The following RPTOR variants were observed in gnomAD, a reference collection of about 807,000 sequenced individuals.
The protein encoded by RPTOR is regulatory-associated protein of mTOR.
RPTOR carries 21 observed loss-of-function variants against 169.9 expected under a neutral mutation model. The ratio of observed to expected loss-of-function variants is 0.12; its 90% CI spans 0.09 to 0.18. RPTOR has a LOEUF of 0.18. RPTOR is among the 10% of genes least tolerant of loss of function. RPTOR has a pLI of 1.00. For missense variants in RPTOR, 1,133 were observed against 1,855.9 expected, an observed-to-expected ratio of 0.61 and a Z score of 7.16; for synonymous variants, 732 against 753.2, an observed-to-expected ratio of 0.97 and a Z score of 0.46.
intron 6 of RPTOR, among the ~76,000 whole-genome samples, chr17:80,786,824 G>A (rs556658190): frequency 2.0e-5 from 3 of 152,332 alleles, no homozygotes; most frequent in South Asian, 2.1e-4. Flanking sequence ...GCCTTTAGGC[G>A]AAACTTAATT....
At chr17:80,655,095 A>G (rs1009025447) in intron 3 of RPTOR, among the ~76,000 whole-genome samples, 1 of 152,200 alleles carries the variant, frequency 6.6e-6, no homozygotes, top group Non-Finnish European at 1.5e-5. Flanking sequence ...TTCTTTATCT[A>G]TTAATTTAGA....
chr17:80,915,045 AC>A (rs1288148350), intron 21 of RPTOR, among the ~76,000 whole-genome samples: 1 of 152,252 alleles, frequency 6.6e-6, no homozygotes. Flanking sequence ...CGATGGCATA[AC>A]CTGCCTTCAG....
chr17:80,745,014 G>C (rs889069882), intron 5 of RPTOR, among the ~76,000 whole-genome samples: 1 of 152,212 alleles, frequency 6.6e-6, no homozygotes, highest in South Asian at 2.1e-4. Context: ...CACAGTCCTG[G>C]CTACTAGACA....
chr17:80,669,436 G>A (rs2065805247), intron 3 of RPTOR, among the ~76,000 whole-genome samples: 1 of 152,224 alleles, frequency 6.6e-6, no homozygotes, highest in South Asian at 2.1e-4. Flanking sequence ...CCAGGCTGGA[G>A]TGCAGTGGCG....
At chr17:80,958,243 C>G (rs1197075080) in intron 29 of RPTOR, among the ~76,000 whole-genome samples, 1 of 149,900 alleles carries the variant, frequency 6.7e-6, no homozygotes, top group Admixed American at 6.6e-5. Context: ...GGCATGCACC[C>G]ACACGCCTGG....
At chr17:80,872,593 G>A (rs1417051736) in intron 13 of RPTOR, among the ~76,000 whole-genome samples, 1 of 152,232 alleles carries the variant, frequency 6.6e-6, no homozygotes, top group Non-Finnish European at 1.5e-5. Flanking sequence ...GGTGGGAGGT[G>A]TTTGGCTGGA....
In RPTOR at chr17:80,659,706, C is replaced by T. The variant is rs900113451; in HGVS notation, c.348+15896C>T. 2.0e-5 allele frequency among the ~76,000 whole-genome samples: 3 copies of T among 152,082 alleles called. No homozygotes were observed. The highest frequency in any genetic ancestry group is 1.3e-4 in the Admixed American group (2 of 15,266). ...ATTTTTAGTAGAGATGTGGTTTCAC[C>T]ATGTTGGCCAGGCTGGTCTCAACCT... On this transcript the variant is annotated intron_variant, in intron 3 of 33. Transcript: ENST00000306801. This position sits in a 1 kb window ranked among gnomAD's most constrained non-coding sequence, Gnocchi z 4.3.
chr17:80,863,253 G>A lies in RPTOR; in HGVS notation c.1509+5353G>A, dbSNP rs1279775713. Among the ~76,000 whole-genome samples, 5 of 152,268 alleles carry A rather than the reference G, an allele frequency of 3.3e-5. No individual in the cohort carries two copies. The East Asian group carries it at 5.8e-4, about 18-fold the overall frequency. The stretch of plus-strand genomic sequence containing the variant: ...CCAAGGGGGGCACATGAAGAAAGCC[G>A]TCTGTCCAGGATTCTCCCAGGACTC... On this transcript the variant is annotated intron_variant, in intron 13 of 33. Transcript: ENST00000306801.
chr17:80,668,436 G>T (rs1051947059), intron 3 of RPTOR, among the ~76,000 whole-genome samples: 1 of 152,172 alleles, frequency 6.6e-6, no homozygotes, highest in African/African-American at 2.4e-5. Flanking sequence ...GTGGCCGCAG[G>T]AGGTCTTCGC....
intron 3 of RPTOR, among the ~76,000 whole-genome samples, chr17:80,674,485 G>C (rs1056581297): frequency 6.6e-6 from 1 of 152,160 alleles, no homozygotes; most frequent in Non-Finnish European, 1.5e-5. Context: ...TGGAAGGGTG[G>C]GGTGGATACT....
In RPTOR at chr17:80,730,535, C is replaced by G. The variant is rs199988795; in HGVS notation, c.508-25C>G. Reference sequence around the variant, plus strand: ...CCATATTCCTGAGACGCACATGTAACGAGCGCACTTTGTGTGTTTTCTAGA... The same window carrying G: ...CCATATTCCTGAGACGCACATGTAAGGAGCGCACTTTGTGTGTTTTCTAGA... On this transcript the variant is annotated intron_variant, in intron 4 of 33. Transcript: ENST00000306801. The surrounding 1 kb of genome is among the most constrained non-coding windows in gnomAD (Gnocchi z 4.2). 1 of 1,608,016 alleles carries G rather than the reference C, an allele frequency of 6.2e-7. No individual in the cohort carries two copies. The highest frequency in any genetic ancestry group is 8.5e-7 in the Non-Finnish European group (1 of 1,174,774).
intron 5 of RPTOR, among the ~76,000 whole-genome samples, chr17:80,736,474 A>C (rs536068802): frequency 9.9e-5 from 15 of 152,274 alleles, no homozygotes; most frequent in Middle Eastern, 3.4e-3. Flanking sequence ...ACTTAAACTG[A>C]TAGGTGATAC....
At chr17:80,829,210 G>C (rs944916915) in intron 9 of RPTOR, among the ~76,000 whole-genome samples, 1 of 152,080 alleles carries the variant, frequency 6.6e-6, no homozygotes, top group African/African-American at 2.4e-5. Flanking sequence ...GAGACACACA[G>C]AAGAAATCAT....
intron 4 of RPTOR, among the ~76,000 whole-genome samples, chr17:80,711,744 C>CTGTTTTTTTTT (rs2066193067): frequency 1.1e-5 from 1 of 88,852 alleles, no homozygotes. Flanking sequence ...ATACATCAGT[C>CTGTTTTTTTTT]TTTTTTTTTT....
Position 80,962,851 on chromosome 17 carries a change from G to A in RPTOR, c.3810-77G>A, listed in dbSNP as rs547440824. 50 of 1,592,586 alleles carry A rather than the reference G, an allele frequency of 3.1e-5. No individual in the cohort carries two copies. The African/African-American group carries it at 3.2e-4, about 10-fold the overall frequency. On this transcript the variant is annotated intron_variant, in intron 32 of 33. Transcript: ENST00000306801. The stretch of plus-strand genomic sequence containing the variant: ...CCCGTGGTCTAGCCGGCCTGTCCCC[G>A]CGGTCTCGGCATCTGCGCCCATCTT...
At chr17:80,757,226 C>A (rs961938803) in intron 6 of RPTOR, among the ~76,000 whole-genome samples, 1 of 152,138 alleles carries the variant, frequency 6.6e-6, no homozygotes, top group African/African-American at 2.4e-5. Context: ...GAAATGCACT[C>A]CCCAAAATTG....
intron 5 of RPTOR, among the ~76,000 whole-genome samples, chr17:80,751,170 A>G (rs1360169743): frequency 2.6e-5 from 4 of 152,188 alleles, no homozygotes; most frequent in Non-Finnish European, 4.4e-5. Flanking sequence ...CTGTGAGTGA[A>G]TACAGCTCTG....
intron 2 of RPTOR, among the ~76,000 whole-genome samples, chr17:80,634,595 TGTGCGTACTGTGTGTGTACTGTGTGC>T (rs2065482388): frequency 3.9e-5 from 1 of 25,454 alleles, no homozygotes; most frequent in Non-Finnish European, 8.0e-5. Flanking sequence ...GTACTGTGTG[TGTGCGTACTGTGTGTGTACTGTGTGC>T]GTGTGCGTAC....
chr17:80,600,166 A>G (rs1300526403), intron 1 of RPTOR, among the ~76,000 whole-genome samples: 9 of 152,216 alleles, frequency 5.9e-5, no homozygotes. Flanking sequence ...CTAAGAGTCC[A>G]AAGGGCGTTG....
Sources: gnomAD v4.1 joint callset for allele counts (sites outside exome capture counted in the v4.1 genomes callset) on GRCh38, gnomAD v4.1.1 for gene constraint, Gnocchi (gnomAD v3.1) non-coding constraint, MANE v1.5 for transcripts, NCBI Gene and HGNC (gene_info 2026-07-23, HGNC 2026-07-21) for gene names.